Variants in CFAP54 observed in about 807,000 individuals in gnomAD.
CFAP54 encodes the protein cilia- and flagella-associated protein 54.
CFAP54 carries 290 observed loss-of-function variants against 370.4 expected under a neutral mutation model. That is an observed-to-expected ratio of 0.78 (90% CI 0.71 to 0.86). The LOEUF (loss-of-function observed/expected upper bound fraction) is 0.86. Among genes scored for constraint, CFAP54 ranks in the 40% least tolerant of loss-of-function variants. The pLI, the probability that CFAP54 is intolerant of heterozygous loss-of-function variation, is 0.00. For missense variants in CFAP54, 3,399 were observed against 3,528.7 expected (o/e 0.96, Z 0.93); for synonymous variants, 1,206 against 1,236.5 (o/e 0.98, Z 0.52).
chr12:96,535,049 TGTG>T (rs945883166), intron 11 of CFAP54, among the ~76,000 whole-genome samples: 3 of 149,866 alleles, frequency 2.0e-5, no homozygotes, highest in African/African-American at 7.5e-5. Context: ...TGTGTGTGTG[TGTG>T]TTTATTTATT....
At chr12:96,700,835 T>TGGG (rs1957483947) in intron 46 of CFAP54, among the ~76,000 whole-genome samples, 3 of 151,770 alleles carry the variant, frequency 2.0e-5, no homozygotes, top group Admixed American at 6.6e-5. Context: ...TCAGTTTGCC[T>TGGG]GGGAGAGAGT....
rs146625292 is a variant in CFAP54, at chr12:96,635,055, A to G, written c.4316+4404A>G. 3.0e-4 allele frequency among the ~76,000 whole-genome samples: 45 copies of G among 152,288 alleles called. No homozygotes were observed. In the East Asian group the frequency reaches 8.5e-3, roughly 29 times the overall value. The stretch of plus-strand genomic sequence containing the variant: ...TTTATTTTTTTTACAAAGTTGTTTT[A>G]GCTACTCTAGGATCTGTACCATTTC... On this transcript the variant is annotated intron_variant, in intron 32 of 67. Coordinates refer to ENST00000524981, the MANE Select transcript of CFAP54 (RefSeq NM_001306084.2).
At chr12:96,820,374 C>T (rs1048154762) in intron 65 of CFAP54, among the ~76,000 whole-genome samples, 26 of 152,166 alleles carry the variant, frequency 1.7e-4, no homozygotes, top group Non-Finnish European at 2.9e-4. Context: ...AAGTCAGCAA[C>T]TTTCCTGATA....
chr12:96,861,783 A>C (rs1348096511), intron 67 of CFAP54, among the ~76,000 whole-genome samples: 11 of 152,202 alleles, frequency 7.2e-5, no homozygotes. Flanking sequence ...ACAATGCCTG[A>C]TGTAATAATA....
At chr12:96,625,221 A>G (rs1956537105) in intron 28 of CFAP54, among the ~76,000 whole-genome samples, 1 of 152,236 alleles carries the variant, frequency 6.6e-6, no homozygotes, top group African/African-American at 2.4e-5. Context: ...TACTATTATT[A>G]TCTCCATTAT....
chr12:96,554,128 G>A (rs1457202590), intron 15 of CFAP54, 54 bp from the exon 16 acceptor site: 1 of 1,188,034 alleles, frequency 8.4e-7, no homozygotes, highest in African/African-American at 1.6e-5. Flanking sequence ...TGGAAGTGTT[G>A]CATTTGATTT....
chr12:96,724,696 A>G (rs1438837328), intron 50 of CFAP54, among the ~76,000 whole-genome samples: 1 of 152,036 alleles, frequency 6.6e-6, no homozygotes, highest in Non-Finnish European at 1.5e-5. Flanking sequence ...CCCATTTGTC[A>G]ATTTTGGCTT....
At chr12:96,637,177 T>C (rs1325852346) in intron 32 of CFAP54, among the ~76,000 whole-genome samples, 1 of 152,226 alleles carries the variant, frequency 6.6e-6, no homozygotes, top group Non-Finnish European at 1.5e-5. Flanking sequence ...CTGGCTTCTT[T>C]CACTTAGCAT....
At chr12:96,781,922 G>T (rs890447162) in intron 60 of CFAP54, among the ~76,000 whole-genome samples, 1 of 151,950 alleles carries the variant, frequency 6.6e-6, no homozygotes, top group Non-Finnish European at 1.5e-5. Context: ...CTTGTCTCTG[G>T]GAGAGGGAAT....
Position 96,666,857 on chromosome 12 carries a change from C to T in CFAP54, c.5563+2925C>T, listed in dbSNP as rs577417092. 3.7e-3 allele frequency among the ~76,000 whole-genome samples: 567 copies of T among 152,290 alleles called. 2 individuals are homozygous for T. Among genetic ancestry groups the T allele is most frequent in the Non-Finnish European group, 6.5e-3 (443 of 68,030 alleles). On this transcript the variant is annotated intron_variant, in intron 39 of 67. Coordinates refer to ENST00000524981, the MANE Select transcript of CFAP54 (RefSeq NM_001306084.2). ...AAGTTTTAACTTATTTCAGAATTAACTCAAAAGTCCACAGTCCAAAGTCTC... is the reference window on the plus strand; with the variant it reads ...AAGTTTTAACTTATTTCAGAATTAATTCAAAAGTCCACAGTCCAAAGTCTC...
intron 61 of CFAP54, among the ~76,000 whole-genome samples, chr12:96,785,381 G>A (rs1958618913): frequency 6.6e-6 from 1 of 151,810 alleles, no homozygotes; most frequent in Non-Finnish European, 1.5e-5. Context: ...CTTCACATTA[G>A]TCCCTCTTGT....
At chr12:96,782,929 A>G (rs894609913) in intron 60 of CFAP54, among the ~76,000 whole-genome samples, 3 of 152,222 alleles carry the variant, frequency 2.0e-5, no homozygotes, top group Admixed American at 6.5e-5. Context: ...ATGTCCATCA[A>G]TGGTAGAATA....
At chr12:96,667,779 G>C (rs1411537090) in intron 39 of CFAP54, among the ~76,000 whole-genome samples, 6 of 152,168 alleles carry the variant, frequency 3.9e-5, no homozygotes, top group Admixed American at 3.9e-4. Flanking sequence ...AATTTCTGTA[G>C]CCTGCTTGAA....
Position 96,576,569 on chromosome 12 carries a change from T to A in CFAP54, c.2620-16T>A. 6.7e-7 allele frequency: 1 copy of A among 1,482,738 alleles called. No individual in the cohort carries two copies. Among genetic ancestry groups the A allele is most frequent in the Non-Finnish European group, 9.0e-7 (1 of 1,112,000 alleles). 91.8% of individuals were successfully genotyped at this position (1,482,738 alleles called of 1,614,324 possible). A position where few individuals can be genotyped will look rare whatever the true frequency, so the allele number is the denominator to read the frequency against. The stretch of plus-strand genomic sequence containing the variant: ...GCTCTTGACATATATTTTTCTATTT[T>A]CATATTTCATTATAGGAAGCATATT... On this transcript the variant is annotated splice_polypyrimidine_tract_variant and intron_variant, in intron 19 of 67. Coordinates refer to ENST00000524981, the MANE Select transcript of CFAP54 (RefSeq NM_001306084.2).
intron 55 of CFAP54, among the ~76,000 whole-genome samples, chr12:96,752,916 T>C (rs762568930): frequency 1.1e-4 from 17 of 152,208 alleles, no homozygotes; most frequent in Non-Finnish European, 2.2e-4. Context: ...GGTGAGTTGC[T>C]GAAACCTCAC....
At chr12:96,667,946 C>G (rs1379601261) in intron 39 of CFAP54, among the ~76,000 whole-genome samples, 2 of 152,192 alleles carry the variant, frequency 1.3e-5, no homozygotes, top group Non-Finnish European at 2.9e-5. Context: ...TTCCACAGAT[C>G]TCTAGGGCAG....
intron 55 of CFAP54, among the ~76,000 whole-genome samples, chr12:96,750,636 A>G (rs974198729): frequency 6.6e-6 from 1 of 152,110 alleles, no homozygotes; most frequent in Non-Finnish European, 1.5e-5. Flanking sequence ...AGGACATTTG[A>G]TTTCTACAGG....
At chr12:96,795,006 T>G (rs2136705885) in intron 63 of CFAP54, among the ~76,000 whole-genome samples, 1 of 152,212 alleles carries the variant, frequency 6.6e-6, no homozygotes, top group Middle Eastern at 3.4e-3. Flanking sequence ...GATTGTTATT[T>G]CTCTTCTGGG....
At position 96,547,948 on chromosome 12, in the gene CFAP54, A is replaced by G; in HGVS notation, c.2124A>G (p.Lys708=). ...CTAACAAATTCCCTGGAGCTCCAAA[A>G]GGGATCACAGAAATTCTTCCAATAT... ...EGTNKFPGAP[K]GITEILPILQ... Residue 708 remains lysine, a synonymous_variant, in exon 15 of 68, where the codon AAA becomes AAG. Coordinates refer to ENST00000524981, the MANE Select transcript of CFAP54 (RefSeq NM_001306084.2). 1.3e-6 allele frequency: 2 copies of G among 1,493,560 alleles called. No individual in the cohort carries two copies. The highest frequency in any genetic ancestry group is 8.9e-7 in the Non-Finnish European group (1 of 1,121,392). The allele number at this position is 1,493,560 out of a possible 1,614,324, so 92.5% of individuals were successfully genotyped here. A position where few individuals can be genotyped will look rare whatever the true frequency, so the allele number is the denominator to read the frequency against.
Sources: allele counts gnomAD v4.1 joint callset (sites outside exome capture counted in the v4.1 genomes callset), GRCh38; gene constraint gnomAD v4.1.1; transcripts MANE v1.5; gene names NCBI Gene and HGNC (gene_info 2026-07-23, HGNC 2026-07-21).